NUDT4: variants seen among roughly 807,000 people sequenced by gnomAD.
NUDT4 encodes diphosphoinositol polyphosphate phosphohydrolase 2.
Under a neutral mutation model 23.1 loss-of-function variants are expected in NUDT4, and 5 were observed. That is an observed-to-expected ratio of 0.22 (90% CI 0.11 to 0.46). The LOEUF (loss-of-function observed/expected upper bound fraction) is 0.46, where lower values mean the gene tolerates loss of function less well. NUDT4 is among the 20% of genes least tolerant of loss of function. The pLI is 0.99. For synonymous variants in NUDT4, 50 were observed against 79.0 expected (o/e 0.63, Z 1.95); for missense variants, 96 against 211.6 (o/e 0.45, Z 3.39).
In NUDT4 at chr12:93,399,442, CTCGTCAAACA is replaced by C. The variant is rs1877211434; in HGVS notation, c.*66_*75del. 2 of 484,582 alleles carry C rather than the reference CTCGTCAAACA, an allele frequency of 4.1e-6. No individual in the cohort carries two copies. The highest frequency in any genetic ancestry group is 6.1e-5 in the East Asian group (2 of 32,964). The allele number at this position is 484,582 out of a possible 1,614,324, so 30.0% of individuals were successfully genotyped here. On this transcript the variant is annotated 3_prime_UTR_variant, in exon 5 of 5. Coordinates refer to ENST00000415493, the MANE Select transcript of NUDT4 (RefSeq NM_019094.6). ...CATGGGGAGAGGCTTCTTTCGTTTC[CTCGTCAAACA>C]TCTGATTGACGCTTGCAAACTGTCT...
intron 1 of NUDT4, among the ~76,000 whole-genome samples, chr12:93,380,487 T>C (rs1038886162): frequency 6.6e-6 from 1 of 152,222 alleles, no homozygotes; most frequent in Non-Finnish European, 1.5e-5. Flanking sequence ...TTTTGGAGAA[T>C]GTATTAGAAA....
Position 93,385,970 on chromosome 12 carries a change from T to TATATATATATATATATAC in NUDT4, c.99+7550_99+7551insTATATATATATATATACA, listed in dbSNP as rs1243696865. Among the ~76,000 whole-genome samples, 267 of 118,490 alleles carry TATATATATATATATATAC rather than the reference T, an allele frequency of 2.3e-3. 4 individuals carry two copies. The highest frequency in any genetic ancestry group is 0.017 in the Middle Eastern group (4 of 240). The allele number at this position is 118,490 out of a possible 152,430, so 77.7% of individuals were successfully genotyped here. A position where few individuals can be genotyped will look rare whatever the true frequency, so the allele number is the denominator to read the frequency against. ...ATATATATATATATATATATATATATACATAATTTTTTTTTTCTTTTTGAG... is the reference window on the plus strand; with the variant it reads ...ATATATATATATATATATATATATATATATATATATATATATACACATAATTTTTTTTTTCTTTTTGAG... On this transcript the variant is annotated intron_variant, in intron 1 of 4. Transcript: ENST00000415493.
In NUDT4 at chr12:93,402,292, A is replaced by G. The variant is rs1225508821; in HGVS notation, c.*2913A>G. The G allele has an allele frequency of 6.6e-6, 1 of 152,212 alleles. No homozygotes were observed. Among genetic ancestry groups the G allele is most frequent in the Non-Finnish European group, 1.5e-5 (1 of 68,036 alleles). 9.4% of individuals were successfully genotyped at this position (152,212 alleles called of 1,614,324 possible). A position where few individuals can be genotyped will look rare whatever the true frequency, so the allele number is the denominator to read the frequency against. On this transcript the variant is annotated 3_prime_UTR_variant, in exon 5 of 5. Transcript: ENST00000415493. ...GAAAAAATGATCATGGCTTTAAAAA[A>G]AAAACAAAAACACACACACATGAAC...
intron 1 of NUDT4, among the ~76,000 whole-genome samples, chr12:93,391,004 A>G (rs1218585123): frequency 6.6e-6 from 1 of 152,110 alleles, no homozygotes; most frequent in Non-Finnish European, 1.5e-5. Context: ...GTCAGCTTGA[A>G]ACTTTCCAGT....
chr12:93,406,229 C>T lies in NUDT4; in HGVS notation c.*6850C>T, dbSNP rs1877803843. 7.9e-6 allele frequency: 1 copy of T among 127,146 alleles called. No individual in the cohort carries two copies. Among genetic ancestry groups the T allele is most frequent in the African/African-American group, 3.0e-5 (1 of 33,208 alleles). 7.9% of individuals were successfully genotyped at this position (127,146 alleles called of 1,614,324 possible). A position where few individuals can be genotyped will look rare whatever the true frequency, so the allele number is the denominator to read the frequency against. On this transcript the variant is annotated 3_prime_UTR_variant, in exon 5 of 5. Coordinates refer to ENST00000415493, the MANE Select transcript of NUDT4 (RefSeq NM_019094.6). Reference sequence around the variant, plus strand: ...CCTGCAGTGAGCCAAGATCATGCCACAGCACTCCAGCCTAAACTACAGAGC... The same window carrying T: ...CCTGCAGTGAGCCAAGATCATGCCATAGCACTCCAGCCTAAACTACAGAGC...
At chr12:93,397,307 ATTG>A (rs958963958) in intron 3 of NUDT4, among the ~76,000 whole-genome samples, 4 of 152,224 alleles carry the variant, frequency 2.6e-5, no homozygotes, top group East Asian at 1.9e-4. Context: ...CCTCTAATTT[ATTG>A]TTGTTTTTAT....
In NUDT4 at chr12:93,398,873, A is replaced by G; in HGVS notation, c.340+18A>G. The G allele has an allele frequency of 7.2e-7, 1 of 1,398,330 alleles. No homozygotes were observed. Among genetic ancestry groups the G allele is most frequent in the Non-Finnish European group, 1.0e-6 (1 of 987,206 alleles). 86.6% of individuals were successfully genotyped at this position (1,398,330 alleles called of 1,614,324 possible). On this transcript the variant is annotated intron_variant, in intron 4 of 4. Coordinates refer to ENST00000415493, the MANE Select transcript of NUDT4 (RefSeq NM_019094.6). ...TAATATTGGTAAGTTCCCTTTTGTT[A>G]TCTGAATACTCTGTTCTAACAGAAG...
At position 93,382,674 on chromosome 12, in the gene NUDT4, C is replaced by CTTTTTTTTTTT. The variant is rs11315217; in HGVS notation, c.99+4263_99+4273dup. ...AAAATAAGTACTATCCAAAGGTAGC[C>CTTTTTTTTTTT]TTTTTTTTTTTTTTTTTTTTGAGAC... On this transcript the variant is annotated intron_variant, in intron 1 of 4. Coordinates refer to ENST00000415493, the MANE Select transcript of NUDT4 (RefSeq NM_019094.6). Among the ~76,000 whole-genome samples, 110 of 111,634 alleles carry CTTTTTTTTTTT rather than the reference C, an allele frequency of 9.9e-4. 3 individuals are homozygous for CTTTTTTTTTTT. Among genetic ancestry groups the CTTTTTTTTTTT allele is most frequent in the African/African-American group, 2.5e-3 (71 of 28,466 alleles). The allele number at this position is 111,634 out of a possible 152,430, so 73.2% of individuals were successfully genotyped here. A position where few individuals can be genotyped will look rare whatever the true frequency, so the allele number is the denominator to read the frequency against.
At position 93,405,517 on chromosome 12, in the gene NUDT4, T is replaced by C. The variant is rs1250278524; in HGVS notation, c.*6138T>C. 8 of 152,196 alleles carry C rather than the reference T, an allele frequency of 5.3e-5. No homozygotes were observed. The highest frequency in any genetic ancestry group is 9.7e-5 in the African/African-American group (4 of 41,434). 9.4% of individuals were successfully genotyped at this position (152,196 alleles called of 1,614,324 possible). A position where few individuals can be genotyped will look rare whatever the true frequency, so the allele number is the denominator to read the frequency against. On this transcript the variant is annotated 3_prime_UTR_variant, in exon 5 of 5. Transcript: ENST00000415493. ...GCCGGGGAGACCCGAACTCTTAATATTGGATTCCACACAAGAGGAAAAATT... is the reference window on the plus strand; with the variant it reads ...GCCGGGGAGACCCGAACTCTTAATACTGGATTCCACACAAGAGGAAAAATT...
chr12:93,398,873 A>T lies in NUDT4; in HGVS notation c.340+18A>T. On this transcript the variant is annotated intron_variant, in intron 4 of 4. Transcript: ENST00000415493. ...TAATATTGGTAAGTTCCCTTTTGTT[A>T]TCTGAATACTCTGTTCTAACAGAAG... is the stretch of plus-strand genomic sequence containing the variant. 1 of 1,398,330 alleles carries T rather than the reference A, an allele frequency of 7.2e-7. No individual in the cohort carries two copies. 86.6% of individuals were successfully genotyped at this position (1,398,330 alleles called of 1,614,324 possible).
rs150536798 is a variant in NUDT4 at position 93,399,098 on chromosome 12, G to T, written c.341-79G>T. 87 of 987,046 alleles carry T rather than the reference G, an allele frequency of 8.8e-5. No individual in the cohort carries two copies. The East Asian group carries it at 1.9e-3, about 22-fold the overall frequency. 61.1% of individuals were successfully genotyped at this position (987,046 alleles called of 1,614,324 possible). Reference sequence around the variant, plus strand: ...CATATTGTTGTCTAAGTCATTTATCGGGGAGTAAGTGGACATTACTTATAT... The same window carrying T: ...CATATTGTTGTCTAAGTCATTTATCTGGGAGTAAGTGGACATTACTTATAT... On this transcript the variant is annotated intron_variant, in intron 4 of 4. Coordinates refer to ENST00000415493, the MANE Select transcript of NUDT4 (RefSeq NM_019094.6).
chr12:93,394,674 C>T lies in NUDT4; in HGVS notation c.165C>T (p.Pro55=), dbSNP rs149292149. 0.016 allele frequency: 24,131 copies of T among 1,555,312 alleles called. 465 individuals carry two copies. Among genetic ancestry groups the T allele is most frequent in the African/African-American group, 0.074 (5,414 of 73,212 alleles). Residue 55 remains proline, a synonymous_variant, in exon 2 of 5, where the codon CCC becomes CCT. Coordinates refer to ENST00000415493, the MANE Select transcript of NUDT4 (RefSeq NM_019094.6). The part of the protein sequence containing the change: ...QWIVPGGGME[P]EEEPGGAAVR... ...TTGTCCCAGGAGGAGGAATGGAACC[C>T]GAGGAGGAACCTGGCGGTGCTGCCG... is the stretch of plus-strand genomic sequence containing the variant.
intron 1 of NUDT4, among the ~76,000 whole-genome samples, chr12:93,388,973 G>T (rs537302783): frequency 6.4e-4 from 97 of 152,328 alleles, no homozygotes; most frequent in Admixed American, 1.9e-3. Flanking sequence ...TTAATTGGCA[G>T]ATCAAGGGCC....
rs1431395749 is a variant in NUDT4 at position 93,402,312 on chromosome 12, A to T, written c.*2933A>T. ...AAAAAAAAAACAAAAACACACACAC[A>T]TGAACTCAGATTTGCAAACCAGGTT... On this transcript the variant is annotated 3_prime_UTR_variant, in exon 5 of 5. Coordinates refer to ENST00000415493, the MANE Select transcript of NUDT4 (RefSeq NM_019094.6). 1 of 152,206 alleles carries T rather than the reference A, an allele frequency of 6.6e-6. No individual in the cohort carries two copies. Among genetic ancestry groups the T allele is most frequent in the Non-Finnish European group, 1.5e-5 (1 of 68,032 alleles). The allele number at this position is 152,206 out of a possible 1,614,324, so 9.4% of individuals were successfully genotyped here. A position where few individuals can be genotyped will look rare whatever the true frequency, so the allele number is the denominator to read the frequency against.
At chr12:93,397,314 T>G (rs1877005072) in intron 3 of NUDT4, among the ~76,000 whole-genome samples, 1 of 152,206 alleles carries the variant, frequency 6.6e-6, no homozygotes, top group Non-Finnish European at 1.5e-5. Flanking sequence ...TTTATTGTTG[T>G]TTTTATTCCT....
Position 93,378,227 on chromosome 12 carries a change from G to C in NUDT4, c.-96G>C. On this transcript the variant is annotated 5_prime_UTR_variant, in exon 1 of 5. Coordinates refer to ENST00000415493, the MANE Select transcript of NUDT4 (RefSeq NM_019094.6). ...AGCGCTCCCGGGCGCTCCTGCGCCCGACTCGCCCTCGCCCCCACTCCCCGG... is the reference window on the plus strand; with the variant it reads ...AGCGCTCCCGGGCGCTCCTGCGCCCCACTCGCCCTCGCCCCCACTCCCCGG... 3 of 475,296 alleles carry C rather than the reference G, an allele frequency of 6.3e-6. No homozygotes were observed. 29.4% of individuals were successfully genotyped at this position (475,296 alleles called of 1,614,324 possible).
chr12:93,380,302 A>G lies in NUDT4; in HGVS notation c.99+1881A>G, dbSNP rs577576479. 2.7e-4 allele frequency among the ~76,000 whole-genome samples: 41 copies of G among 152,360 alleles called. 1 individual carries two copies. Among genetic ancestry groups the G allele is most frequent in the Middle Eastern group, 3.4e-3 (1 of 294 alleles). On this transcript the variant is annotated intron_variant, in intron 1 of 4. Coordinates refer to ENST00000415493, the MANE Select transcript of NUDT4 (RefSeq NM_019094.6). ...GATGGAAATTGAAATGATGATCTCT[A>G]TTGTGCTTATGGTAAAGCAAAGACT...
Position 93,405,757 on chromosome 12 carries a change from T to C in NUDT4, c.*6378T>C, listed in dbSNP as rs1877775126. 6.6e-6 allele frequency: 1 copy of C among 152,230 alleles called. No homozygotes were observed. The highest frequency in any genetic ancestry group is 2.4e-5 in the African/African-American group (1 of 41,460). 9.4% of individuals were successfully genotyped at this position (152,230 alleles called of 1,614,324 possible). A position where few individuals can be genotyped will look rare whatever the true frequency, so the allele number is the denominator to read the frequency against. On this transcript the variant is annotated 3_prime_UTR_variant, in exon 5 of 5. Transcript: ENST00000415493. ...ATTACATTCAGCATGTTTTGCTTTTTATGTTATTTAAAGTATAAACCCTCA... is the reference window on the plus strand; with the variant it reads ...ATTACATTCAGCATGTTTTGCTTTTCATGTTATTTAAAGTATAAACCCTCA...
Position 93,402,591 on chromosome 12 carries a change from G to A in NUDT4, c.*3212G>A, listed in dbSNP as rs994325433. Reference sequence around the variant, plus strand: ...TATGATCCTTACTACTGGAATTACCGGGTTAAAAGGAAATGCTTACCACTA... The same window carrying A: ...TATGATCCTTACTACTGGAATTACCAGGTTAAAAGGAAATGCTTACCACTA... On this transcript the variant is annotated 3_prime_UTR_variant, in exon 5 of 5. Transcript: ENST00000415493. 17 of 152,056 alleles carry A rather than the reference G, an allele frequency of 1.1e-4. No homozygotes were observed. The highest frequency in any genetic ancestry group is 3.4e-4 in the African/African-American group (14 of 41,398). 9.4% of individuals were successfully genotyped at this position (152,056 alleles called of 1,614,324 possible).
Sources: gnomAD v4.1 joint callset for allele counts (sites outside exome capture counted in the v4.1 genomes callset) on GRCh38, gnomAD v4.1.1 for gene constraint, MANE v1.5 for transcripts, NCBI Gene and HGNC (gene_info 2026-07-23, HGNC 2026-07-21) for gene names.